Variants in SRPRA observed in about 807,000 individuals in gnomAD.
The protein encoded by SRPRA is SRP receptor subunit alpha.
A neutral mutation model predicts 61.1 loss-of-function variants in SRPRA; 30 were observed. The ratio of observed to expected loss-of-function variants is 0.49; its 90% confidence interval spans 0.37 to 0.67. The LOEUF (loss-of-function observed/expected upper bound fraction) is 0.67, where lower values mean the gene tolerates loss of function less well. Ranked by LOEUF, SRPRA falls within the 30% of genes least tolerant of loss-of-function variation. SRPRA has a pLI of 0.00. For missense variants in SRPRA, 759 were observed against 828.4 expected (o/e 0.92, Z 1.03); for synonymous variants, 324 against 299.7 (o/e 1.08, Z -0.84).
chr11:126,266,434 A>C lies in SRPRA; in HGVS notation c.840+42T>G, dbSNP rs770781689. 9.4e-6 allele frequency: 15 copies of C among 1,604,252 alleles called. No individual in the cohort carries two copies. In the East Asian group the frequency reaches 2.7e-4, roughly 29 times the overall value. ...ACGTTCCCACACTCTACTTCCTCCC[A>C]ATTTGTTGTTAAAGATCACTTTGAC... On this transcript the variant is annotated intron_variant, in intron 6 of 13. Transcript: ENST00000332118.
chr11:126,267,542 C>T lies in SRPRA; in HGVS notation c.365+7G>A. 1 of 1,613,324 alleles carries T rather than the reference C, an allele frequency of 6.2e-7. No homozygotes were observed. The highest frequency in any genetic ancestry group is 8.5e-7 in the Non-Finnish European group (1 of 1,179,878). Reference sequence around the variant, plus strand: ...TAAATTGATTTTAGAGAAGGCAGGTCTCTCACCGAAGGAGCCGCAGGAAGT... The same window carrying T: ...TAAATTGATTTTAGAGAAGGCAGGTTTCTCACCGAAGGAGCCGCAGGAAGT... On this transcript the variant is annotated splice_region_variant and intron_variant, in intron 3 of 13. Coordinates refer to ENST00000332118, the MANE Select transcript of SRPRA (RefSeq NM_003139.4). This position sits in a 1 kb window ranked among gnomAD's most constrained non-coding sequence, Gnocchi z 4.2.
intron 1 of SRPRA, among the ~76,000 whole-genome samples, 194 bp from the exon 2 acceptor site, chr11:126,268,280 TGAGA>T: frequency 6.6e-6 from 1 of 152,062 alleles, no homozygotes; most frequent in Admixed American, 6.5e-5. Context: ...GGGAAAAAGA[TGAGA>T]GAGAGAGCAA....
In SRPRA at chr11:126,265,050, T is replaced by C. The variant is rs775278318; in HGVS notation, c.1434A>G (p.Pro478=). ...HTRRLSALHP[P]EKHGGRTMVQ... ...CCATGGTGCGGCCACCATGCTTCTCTGGAGGGTGTAGGGCACTCAAACGCC... is the reference window on the plus strand; with the variant it reads ...CCATGGTGCGGCCACCATGCTTCTCCGGAGGGTGTAGGGCACTCAAACGCC... The change falls in exon 11 of 14, where the codon CCA becomes CCG. Residue 478 remains proline, a synonymous_variant. Transcript: ENST00000332118. This position sits in a 1 kb window ranked among gnomAD's most constrained non-coding sequence, Gnocchi z 6.3. 3.7e-6 allele frequency: 6 copies of C among 1,614,058 alleles called. No individual in the cohort carries two copies. The East Asian group carries it at 6.7e-5, about 18-fold the overall frequency.
the SRPRA span, among the ~76,000 whole-genome samples, chr11:126,249,377 G>A: frequency 1.3e-5 from 2 of 152,150 alleles, no homozygotes; most frequent in African/African-American, 4.8e-5. Context: ...ATTATGGCAT[G>A]TAGAAGTTAA....
the SRPRA span, chr11:126,256,946 A>G: frequency 7.6e-7 from 1 of 1,312,386 alleles, no homozygotes. This position sits in a 1 kb window ranked among gnomAD's most constrained non-coding sequence, Gnocchi z 6.6. Context: ...AGTTGCCAAG[A>G]TGAGGAATGT....
Position 126,264,495 on chromosome 11 carries a change from G to A in SRPRA, c.1570C>T (p.Arg524Cys), listed in dbSNP as rs746990820. Residue 524 changes from arginine to cysteine, a missense_variant, in exon 12 of 14, where the codon CGC becomes TGC. Arg to Cys is a radical substitution (Grantham distance 180). Coordinates refer to ENST00000332118, the MANE Select transcript of SRPRA (RefSeq NM_003139.4). The surrounding 1 kb of genome is among the most constrained non-coding windows in gnomAD (Gnocchi z 5.0). ...FDVVLVDTAG[R>C]MQDNAPLMTA... ...ATCAGAGGGGCATTGTCTTGCATGC[G>A]GCCTGCCGTGTCCACCAGCACCACG... is the stretch of plus-strand genomic sequence containing the variant. 5 of 1,613,754 alleles carry A rather than the reference G, an allele frequency of 3.1e-6. No individual in the cohort carries two copies. Among genetic ancestry groups the A allele is most frequent in the Non-Finnish European group, 4.2e-6 (5 of 1,180,030 alleles).
Position 126,267,750 on chromosome 11 carries a change from A to G in SRPRA, c.202-38T>C, listed in dbSNP as rs747094737. The G allele has an allele frequency of 5.6e-6, 9 of 1,612,084 alleles. No individual in the cohort carries two copies. In the South Asian group the frequency reaches 6.6e-5, roughly 12 times the overall value. On this transcript the variant is annotated intron_variant, in intron 2 of 13. Coordinates refer to ENST00000332118, the MANE Select transcript of SRPRA (RefSeq NM_003139.4). The surrounding 1 kb of genome is among the most constrained non-coding windows in gnomAD (Gnocchi z 4.2). ...AGAAACAGCCAACAGATCTGCTTAC[A>G]TACTAGCCTAGAATGGAGGGACGCC...
chr11:126,249,077 G>C, the SRPRA span, among the ~76,000 whole-genome samples: 61 of 152,302 alleles, frequency 4.0e-4, 2 homozygotes, highest in African/African-American at 1.4e-3. Context: ...TAAGCCGTAT[G>C]TTAAGAAGTA....
At chr11:126,241,557 TA>T in the SRPRA span, among the ~76,000 whole-genome samples, 9 of 152,084 alleles carry the variant, frequency 5.9e-5, no homozygotes, top group South Asian at 2.1e-4. Flanking sequence ...TTTATTTATT[TA>T]TTTATTTTTT....
the SRPRA span, among the ~76,000 whole-genome samples, chr11:126,253,834 G>A: frequency 2.0e-5 from 3 of 152,212 alleles, no homozygotes; most frequent in African/African-American, 7.2e-5. This position sits in a 1 kb window ranked among gnomAD's most constrained non-coding sequence, Gnocchi z 5.1. Flanking sequence ...CACAAGAGAA[G>A]TAAGACTTCT....
chr11:126,256,517 G>A, the SRPRA span: 1 of 1,566,666 alleles, frequency 6.4e-7, no homozygotes, highest in Non-Finnish European at 8.7e-7. This position sits in a 1 kb window ranked among gnomAD's most constrained non-coding sequence, Gnocchi z 6.6. Context: ...TTTCAGACTT[G>A]CCTTGAGTGT....
Position 126,267,562 on chromosome 11 carries a change from G to A in SRPRA, c.352C>T (p.Leu118=). Reference sequence around the variant, plus strand: ...CAGGTCTCTCACCGAAGGAGCCGCAGGAAGTCATTTTGGAAATCAAAAGTG... The same window carrying A: ...CAGGTCTCTCACCGAAGGAGCCGCAAGAAGTCATTTTGGAAATCAAAAGTG... ...NGTFDFQNDF[L]RLLREAEESS... Residue 118 remains leucine, a synonymous_variant, in exon 3 of 14, where the codon CTG becomes TTG. Coordinates refer to ENST00000332118, the MANE Select transcript of SRPRA (RefSeq NM_003139.4). The surrounding 1 kb of genome is among the most constrained non-coding windows in gnomAD (Gnocchi z 4.2). 1.2e-6 allele frequency: 2 copies of A among 1,614,012 alleles called. No homozygotes were observed. The highest frequency in any genetic ancestry group is 1.7e-6 in the Non-Finnish European group (2 of 1,180,018).
In SRPRA at chr11:126,265,078, G is replaced by T. The variant is rs748596326; in HGVS notation, c.1406C>A (p.Thr469Asn). The T allele has an allele frequency of 6.2e-7, 1 of 1,614,174 alleles. No individual in the cohort carries two copies. Among genetic ancestry groups the T allele is most frequent in the East Asian group, 2.2e-5 (1 of 44,882 alleles). ...AGGGTGTAGGGCACTCAAACGCCGGGTGTGTGTACGCAGCTGCTCCACGGC... is the reference window on the plus strand; with the variant it reads ...AGGGTGTAGGGCACTCAAACGCCGGTTGTGTGTACGCAGCTGCTCCACGGC... The part of the protein sequence containing the change: ...AGAVEQLRTH[T>N]RRLSALHPPE... Residue 469 changes from threonine (T) to asparagine (N), a missense_variant, in exon 11 of 14, where the codon ACC becomes AAC. By Grantham distance (65) the Thr-to-Asn change is moderately conservative (BLOSUM62 0). Transcript: ENST00000332118. The surrounding 1 kb of genome is among the most constrained non-coding windows in gnomAD (Gnocchi z 6.3).
At chr11:126,240,293 A>AT in the SRPRA span, among the ~76,000 whole-genome samples, 1 of 144,392 alleles carries the variant, frequency 6.9e-6, no homozygotes, top group Non-Finnish European at 1.5e-5. Context: ...TTTTTGCCTG[A>AT]GGTTAATGTT....
In SRPRA at chr11:126,266,406, A is replaced by G. The variant is rs1225456146; in HGVS notation, c.840+70T>C. 4 of 1,594,802 alleles carry G rather than the reference A, an allele frequency of 2.5e-6. No homozygotes were observed. In the East Asian group the frequency reaches 8.9e-5, roughly 36 times the overall value. On this transcript the variant is annotated intron_variant, in intron 6 of 13. Coordinates refer to ENST00000332118, the MANE Select transcript of SRPRA (RefSeq NM_003139.4). ...ACTTACCCCTCATTCAAATCCCAGT[A>G]TCACGTTCCCACACTCTACTTCCTC... is the stretch of plus-strand genomic sequence containing the variant.
chr11:126,262,009 TCTC>T, downstream of SRPRA: 1 of 957,916 alleles, frequency 1.0e-6, no homozygotes. Context: ...ATTCCTAGAA[TCTC>T]CTGTCTTGCC....
chr11:126,256,746 C>T, the SRPRA span: 2 of 1,614,026 alleles, frequency 1.2e-6, no homozygotes, highest in African/African-American at 1.3e-5. The surrounding 1 kb of genome is among the most constrained non-coding windows in gnomAD (Gnocchi z 6.6). Context: ...TTCGAGAAAA[C>T]ATGCTGGACA....
chr11:126,262,969 T>G lies in SRPRA; in HGVS notation c.*947A>C, dbSNP rs1950733459. The G allele has an allele frequency of 6.5e-6, 1 of 152,672 alleles. No individual in the cohort carries two copies. Among genetic ancestry groups the G allele is most frequent in the African/African-American group, 2.4e-5 (1 of 41,456 alleles). The allele number at this position is 152,672 out of a possible 1,614,324, so 9.5% of individuals were successfully genotyped here. The stretch of plus-strand genomic sequence containing the variant: ...TATGAAATTTATTTTCTTATATAAA[T>G]TACTTATTTCTCTGGGCAGACAGCC... On this transcript the variant is annotated 3_prime_UTR_variant, in exon 14 of 14. Coordinates refer to ENST00000332118, the MANE Select transcript of SRPRA (RefSeq NM_003139.4).
rs1401460775 is a variant in SRPRA at position 126,267,274 on chromosome 11, C to G, written c.427G>C (p.Glu143Gln). Residue 143 changes from glutamate (E) to glutamine (Q), a missense_variant, in exon 4 of 14, where the codon GAA (glutamate) becomes CAA (glutamine). Glu to Gln is a conservative substitution (Grantham distance 29, BLOSUM62 2). Coordinates refer to ENST00000332118, the MANE Select transcript of SRPRA (RefSeq NM_003139.4). This position sits in a 1 kb window ranked among gnomAD's most constrained non-coding sequence, Gnocchi z 4.2. ...PTTMKKFEDS[E>Q]KAKKPVRSMI... ...GACCTCACAGGTTTCTTGGCCTTTT[C>G]AGAATCTTCAAATTTCTTCATGGTA... The G allele has an allele frequency of 6.2e-7, 1 of 1,614,080 alleles. No individual in the cohort carries two copies. Among genetic ancestry groups the G allele is most frequent in the Admixed American group, 1.7e-5 (1 of 60,012 alleles).
Sources: allele counts gnomAD v4.1 joint callset (sites outside exome capture counted in the v4.1 genomes callset), GRCh38; gene constraint gnomAD v4.1.1; non-coding constraint Gnocchi (gnomAD v3.1); transcripts MANE v1.5; gene names NCBI Gene and HGNC (gene_info 2026-07-23, HGNC 2026-07-21).